FRAS1: variants seen among roughly 807,000 people sequenced by gnomAD.
FRAS1 encodes the protein Fraser extracellular matrix complex subunit 1.
Under a neutral mutation model 435.2 loss-of-function variants are expected in FRAS1, and 290 were observed. The observed-to-expected ratio is 0.67, with a 90% CI of 0.61 to 0.73. The LOEUF (loss-of-function observed/expected upper bound fraction) is 0.73. FRAS1 is among the 30% of genes least tolerant of loss of function. The probability of loss-of-function intolerance (pLI) is 0.00; values close to 1 mark genes in which losing one functional copy is unlikely to be tolerated. For missense variants in FRAS1, 4,860 were observed against 5,001.5 expected (o/e 0.97, Z 0.85); for synonymous variants, 1,800 against 1,851.0 (o/e 0.97, Z 0.71).
At chr4:78,433,271 A>C (rs1163206841) in intron 38 of FRAS1, among the ~76,000 whole-genome samples, 3 of 152,224 alleles carry the variant, frequency 2.0e-5, no homozygotes, top group Admixed American at 1.3e-4. Context: ...GCTAAGGATA[A>C]TGAGGATGAT....
chr4:78,267,563 C>T (rs935145610), intron 9 of FRAS1, 131 bp downstream of exon 9: 9 of 789,246 alleles, frequency 1.1e-5, no homozygotes, highest in Non-Finnish European at 1.8e-5. Context: ...TTCATAGGAC[C>T]TTCTAGTGTA....
intron 3 of FRAS1, among the ~76,000 whole-genome samples, chr4:78,244,124 G>GGTTGTAAAAT (rs1725131184): frequency 1.3e-5 from 2 of 152,058 alleles, no homozygotes; most frequent in Admixed American, 1.3e-4. Flanking sequence ...TCTGTTTAGT[G>GGTTGTAAAAT]GGTTAATGGT....
chr4:78,439,731 A>G (rs1734578413), intron 40 of FRAS1, among the ~76,000 whole-genome samples: 1 of 152,152 alleles, frequency 6.6e-6, no homozygotes, highest in Non-Finnish European at 1.5e-5. Context: ...CTTGGGCTCA[A>G]GCAATCCTCC....
intron 37 of FRAS1, among the ~76,000 whole-genome samples, chr4:78,431,100 C>A (rs182358040): frequency 9.8e-5 from 15 of 152,328 alleles, no homozygotes; most frequent in Middle Eastern, 3.4e-3. Context: ...TTCCAACAAT[C>A]TCTACTTTCT....
chr4:78,199,435 G>A (rs1051599257), intron 2 of FRAS1, among the ~76,000 whole-genome samples: 2 of 152,060 alleles, frequency 1.3e-5, no homozygotes, highest in Admixed American at 1.3e-4. Flanking sequence ...GGCTGTTTTC[G>A]ATCTATTTTT....
intron 2 of FRAS1, among the ~76,000 whole-genome samples, chr4:78,217,939 TCCTCCCTTCCCCTCC>T (rs1560586300): frequency 0.35 from 31 of 88 alleles, 10 homozygotes; most frequent in Non-Finnish European, 0.61. Context: ...CCTTCCCCTC[TCCTCCCTTCCCCTCC>T]CCTCTCTTCC....
chr4:78,413,770 G>A (rs1484335), intron 32 of FRAS1, among the ~76,000 whole-genome samples: 9 of 152,322 alleles, frequency 5.9e-5, no homozygotes, highest in South Asian at 2.1e-4. Flanking sequence ...AGAAAGCCTC[G>A]TATGCTGGTG....
chr4:78,476,218 TA>T (rs1046147211), intron 54 of FRAS1, among the ~76,000 whole-genome samples: 1 of 152,170 alleles, frequency 6.6e-6, no homozygotes, highest in African/African-American at 2.4e-5. Context: ...ATGTTAGGTA[TA>T]AATTGTCTTA....
chr4:78,169,007 G>T lies in FRAS1; in HGVS notation c.109-68503G>T, dbSNP rs187124539. Among the ~76,000 whole-genome samples the T allele has an allele frequency of 1.8e-3, 268 of 152,202 alleles. 2 individuals are homozygous for T. The highest frequency in any genetic ancestry group is 6.1e-3 in the African/African-American group (253 of 41,564). On this transcript the variant is annotated intron_variant, in intron 2 of 73. Coordinates refer to ENST00000512123, the MANE Select transcript of FRAS1 (RefSeq NM_025074.7). ...TGGGAAGTCTTCACTGGGAAATTTA[G>T]GTGCAGATTGTGATCCGGGCTGGGA...
At chr4:78,494,488 A>G (rs1018203137) in intron 59 of FRAS1, among the ~76,000 whole-genome samples, 1 of 152,118 alleles carries the variant, frequency 6.6e-6, no homozygotes, top group Non-Finnish European at 1.5e-5. Flanking sequence ...AGGAGGAAAG[A>G]GAGAGGGTAG....
chr4:78,086,252 A>G (rs1026996351), intron 2 of FRAS1, among the ~76,000 whole-genome samples: 11 of 152,208 alleles, frequency 7.2e-5, no homozygotes, highest in African/African-American at 2.7e-4. Flanking sequence ...AACATACCAG[A>G]ATCTCTTGGA....
intron 35 of FRAS1, among the ~76,000 whole-genome samples, chr4:78,426,371 G>T (rs1733997965): frequency 6.6e-6 from 1 of 152,124 alleles, no homozygotes; most frequent in Non-Finnish European, 1.5e-5. Context: ...CATGGGCCTA[G>T]ACCTTGGGCT....
rs552210207 is a variant in FRAS1, at chr4:78,267,091, G to C, written c.790-150G>C. On this transcript the variant is annotated intron_variant, in intron 8 of 73. Coordinates refer to ENST00000512123, the MANE Select transcript of FRAS1 (RefSeq NM_025074.7). Reference sequence around the variant, plus strand: ...GAAGGCTCTGCTTCCTAGGAAGAAGGGTTGAGGTGCAAGGGACCCTGCCCA... The same window carrying C: ...GAAGGCTCTGCTTCCTAGGAAGAAGCGTTGAGGTGCAAGGGACCCTGCCCA... 2.2e-5 allele frequency: 20 copies of C among 913,688 alleles called. No individual in the cohort carries two copies. The African/African-American group carries it at 3.4e-4, about 15-fold the overall frequency. 56.6% of individuals were successfully genotyped at this position (913,688 alleles called of 1,614,324 possible).
chr4:78,084,274 A>T (rs775842790), intron 2 of FRAS1, among the ~76,000 whole-genome samples: 2 of 152,104 alleles, frequency 1.3e-5, no homozygotes, highest in Admixed American at 1.3e-4. Context: ...TTAGTCTCTT[A>T]CTGTAATTTG....
At chr4:78,392,735 C>CATATT (rs1732497261) in intron 29 of FRAS1, among the ~76,000 whole-genome samples, 1 of 151,014 alleles carries the variant, frequency 6.6e-6, no homozygotes. Flanking sequence ...CATTACTGGG[C>CATATT]ATTCAGTTGG....
chr4:78,240,762 T>C (rs1024366678), intron 3 of FRAS1, among the ~76,000 whole-genome samples: 2 of 151,796 alleles, frequency 1.3e-5, no homozygotes, highest in Admixed American at 6.6e-5. Context: ...GGGTACAAGA[T>C]GAAGGATGGA....
At chr4:78,410,472 T>G (rs1021213384) in intron 31 of FRAS1, among the ~76,000 whole-genome samples, 2 of 151,642 alleles carry the variant, frequency 1.3e-5, no homozygotes, top group African/African-American at 4.8e-5. Context: ...ACTCACTGGA[T>G]GAAGACATCC....
intron 2 of FRAS1, among the ~76,000 whole-genome samples, chr4:78,151,350 A>G (rs1225021323): frequency 1.3e-5 from 2 of 150,950 alleles, no homozygotes; most frequent in African/African-American, 5.0e-5. Context: ...AGCATCTACC[A>G]TGTGCCAGTC....
At chr4:78,482,571 T>C (rs1303834342) in intron 58 of FRAS1, 36 bp downstream of exon 58, 3 of 1,586,446 alleles carry the variant, frequency 1.9e-6, no homozygotes, top group Admixed American at 1.9e-5. Context: ...TAGGTCCAAA[T>C]ATATTTCTAT....
Sources: allele counts gnomAD v4.1 joint callset (sites outside exome capture counted in the v4.1 genomes callset), GRCh38; gene constraint gnomAD v4.1.1; transcripts MANE v1.5; gene names NCBI Gene and HGNC (gene_info 2026-07-23, HGNC 2026-07-21).